The following GRID1 variants were observed in gnomAD, a reference collection of about 807,000 sequenced individuals.
GRID1 encodes glutamate ionotropic receptor delta type subunit 1.
Under a neutral mutation model 98.0 loss-of-function variants are expected in GRID1, and 28 were observed. That is an observed-to-expected ratio of 0.29 (90% CI 0.21 to 0.39). The LOEUF (loss-of-function observed/expected upper bound fraction) is 0.39. Among genes scored for constraint, GRID1 ranks in the 10% least tolerant of loss-of-function variants. The pLI is 1.00. For missense variants in GRID1, 1,111 were observed against 1,340.5 expected (o/e 0.83, Z 2.67); for synonymous variants, 553 against 538.5 (o/e 1.03, Z -0.37).
At chr10:85,754,474 A>G (rs1170904579) in intron 8 of GRID1, among the ~76,000 whole-genome samples, 1 of 152,216 alleles carries the variant, frequency 6.6e-6, no homozygotes. Context: ...AACAGAGAAA[A>G]GAGTGATCCT....
At chr10:85,944,611 G>A (rs560322250) in intron 4 of GRID1, among the ~76,000 whole-genome samples, 6 of 152,276 alleles carry the variant, frequency 3.9e-5, no homozygotes, top group African/African-American at 1.2e-4. Context: ...TGTATTGGGG[G>A]AGGAGGAATC....
intron 2 of GRID1, among the ~76,000 whole-genome samples, chr10:86,268,540 T>C (rs1391563219): frequency 6.6e-6 from 1 of 152,230 alleles, no homozygotes; most frequent in Non-Finnish European, 1.5e-5. Flanking sequence ...CCATGCTTCC[T>C]GCAGCATCCA....
intron 5 of GRID1, among the ~76,000 whole-genome samples, chr10:85,870,264 C>T (rs1843264631): frequency 6.6e-6 from 1 of 152,208 alleles, no homozygotes; most frequent in African/African-American, 2.4e-5. Context: ...TGCTTCCTGC[C>T]TGTGAACATC....
chr10:86,277,719 G>A (rs1847293455), intron 2 of GRID1, among the ~76,000 whole-genome samples: 1 of 151,800 alleles, frequency 6.6e-6, no homozygotes, highest in African/African-American at 2.4e-5. Flanking sequence ...AATTAAAAGG[G>A]AATCAAAGTG....
At chr10:86,197,132 G>T (rs1845885443) in intron 3 of GRID1, among the ~76,000 whole-genome samples, 1 of 151,672 alleles carries the variant, frequency 6.6e-6, no homozygotes, top group Admixed American at 6.6e-5. Context: ...AATGGAAAAA[G>T]GGAGAAAGAG....
rs1845315920 is a variant in GRID1, at chr10:86,161,140, T to A, written c.521-22116A>T. Among the ~76,000 whole-genome samples the A allele has an allele frequency of 2.0e-5, 3 of 152,182 alleles. No homozygotes were observed. In the South Asian group the frequency reaches 6.2e-4, roughly 32 times the overall value. On this transcript the variant is annotated intron_variant, in intron 3 of 15. Transcript: ENST00000327946. ...TACATGATGTGAAATTCCCACACCC[T>A]GGCCGTCCAACCCCGGTGACCCAAA...
At chr10:85,620,351 A>G (rs1842844867) in intron 13 of GRID1, among the ~76,000 whole-genome samples, 1 of 152,234 alleles carries the variant, frequency 6.6e-6, no homozygotes, top group Non-Finnish European at 1.5e-5. Flanking sequence ...GTCTCAGATT[A>G]GAGGGCTCAG....
At chr10:86,193,466 G>A (rs1306670838) in intron 3 of GRID1, among the ~76,000 whole-genome samples, 1 of 152,002 alleles carries the variant, frequency 6.6e-6, no homozygotes, top group South Asian at 2.1e-4. Context: ...ACCATGCCAG[G>A]GTCTCTAGGG....
intron 13 of GRID1, among the ~76,000 whole-genome samples, chr10:85,622,446 G>T (rs1338853966): frequency 6.6e-6 from 1 of 151,646 alleles, no homozygotes; most frequent in African/African-American, 2.4e-5. Context: ...TTGCTATGTT[G>T]CCCAGGCTGA....
chr10:85,971,257 G>A (rs1275794793), intron 4 of GRID1, among the ~76,000 whole-genome samples: 1 of 151,902 alleles, frequency 6.6e-6, no homozygotes, highest in Non-Finnish European at 1.5e-5. Context: ...AATATAGGAA[G>A]ATAGCTTCCT....
chr10:86,327,881 T>C (rs1192001424), intron 2 of GRID1, among the ~76,000 whole-genome samples: 1 of 152,230 alleles, frequency 6.6e-6, no homozygotes, highest in Non-Finnish European at 1.5e-5. Flanking sequence ...TTAAATTAAA[T>C]GTGCATGTTA....
At chr10:85,766,484 A>T (rs1353535735) in intron 8 of GRID1, among the ~76,000 whole-genome samples, 1 of 151,014 alleles carries the variant, frequency 6.6e-6, no homozygotes, top group African/African-American at 2.4e-5. Flanking sequence ...AGATTTGTCT[A>T]AAAAAAAATG....
chr10:86,074,815 C>T (rs936660373), intron 4 of GRID1, among the ~76,000 whole-genome samples: 7 of 152,172 alleles, frequency 4.6e-5, no homozygotes, highest in African/African-American at 1.7e-4. Flanking sequence ...CAGGACAGGG[C>T]TCCATCTGCC....
chr10:86,121,108 G>A (rs1446461052), intron 4 of GRID1, among the ~76,000 whole-genome samples: 1 of 152,210 alleles, frequency 6.6e-6, no homozygotes, highest in Admixed American at 6.5e-5. Flanking sequence ...GAGCAAGGGA[G>A]ACTCAGGAGT....
chr10:85,799,795 G>A (rs985621857), intron 8 of GRID1, among the ~76,000 whole-genome samples: 17 of 152,008 alleles, frequency 1.1e-4, no homozygotes, highest in African/African-American at 4.1e-4. Context: ...CTGGTGCTCA[G>A]TTGCATAGTA....
chr10:85,733,764 A>C (rs1228062014), intron 8 of GRID1, among the ~76,000 whole-genome samples: 1 of 152,190 alleles, frequency 6.6e-6, no homozygotes, highest in Non-Finnish European at 1.5e-5. Context: ...AAAGTAAAGA[A>C]CCAGGATATA....
intron 2 of GRID1, among the ~76,000 whole-genome samples, chr10:86,220,146 C>T (rs1250398298): frequency 6.6e-6 from 1 of 152,226 alleles, no homozygotes; most frequent in Admixed American, 6.5e-5. Flanking sequence ...AGTGTTCATT[C>T]ATTCATTCAT....
At chr10:85,770,250 A>G (rs1590223923) in intron 8 of GRID1, among the ~76,000 whole-genome samples, 1 of 152,356 alleles carries the variant, frequency 6.6e-6, no homozygotes, top group South Asian at 2.1e-4. Flanking sequence ...ACTCCAACAC[A>G]CTGGCAGCTG....
At chr10:85,862,684 G>A (rs988808460) in intron 6 of GRID1, among the ~76,000 whole-genome samples, 13 of 152,310 alleles carry the variant, frequency 8.5e-5, no homozygotes, top group Middle Eastern at 6.8e-3. Flanking sequence ...TGGATAATTA[G>A]AGATGAGTCA....
Sources: allele counts gnomAD v4.1 joint callset (sites outside exome capture counted in the v4.1 genomes callset), GRCh38; gene constraint gnomAD v4.1.1; transcripts MANE v1.5; gene names NCBI Gene and HGNC (gene_info 2026-07-23, HGNC 2026-07-21).